Variants in PTPRR observed in about 807,000 individuals in gnomAD.
PTPRR encodes the protein protein tyrosine phosphatase receptor type R.
PTPRR carries 38 observed loss-of-function variants against 77.2 expected under a neutral mutation model. That is an observed-to-expected ratio of 0.49 (90% CI 0.38 to 0.65). The LOEUF (loss-of-function observed/expected upper bound fraction) is 0.65, where lower values mean the gene tolerates loss of function less well. PTPRR is among the 30% of genes least tolerant of loss of function. The pLI, the probability that PTPRR is intolerant of heterozygous loss-of-function variation, is 0.00. For synonymous variants in PTPRR, 299 were observed against 283.1 expected, an observed-to-expected ratio of 1.06 and a Z score of -0.57; for missense variants, 744 against 799.2, an observed-to-expected ratio of 0.93 and a Z score of 0.83.
intron 1 of PTPRR, among the ~76,000 whole-genome samples, chr12:70,909,875 G>GT (rs984441337): frequency 6.6e-6 from 1 of 151,888 alleles, no homozygotes; most frequent in African/African-American, 2.4e-5. Flanking sequence ...GTGGTTAGAG[G>GT]TTTTTTTTCT....
chr12:70,671,564 T>A (rs1398068258), intron 10 of PTPRR, among the ~76,000 whole-genome samples: 1 of 152,332 alleles, frequency 6.6e-6, no homozygotes, highest in African/African-American at 2.4e-5. Flanking sequence ...AACCACCCAT[T>A]GGTGTAGGAA....
chr12:70,655,832 A>T (rs1218574188), intron 13 of PTPRR, among the ~76,000 whole-genome samples: 1 of 152,188 alleles, frequency 6.6e-6, no homozygotes, highest in Admixed American at 6.5e-5. Flanking sequence ...AATGTACTTA[A>T]CCCTAATAAA....
At chr12:70,900,697 G>T (rs6581972) in intron 1 of PTPRR, among the ~76,000 whole-genome samples, 92,796 of 151,370 alleles carry the variant, frequency 0.61, 28,775 homozygotes, top group Non-Finnish European at 0.67. Flanking sequence ...TTAACCCAGT[G>T]AAAAGATGGG....
chr12:70,730,204 A>G (rs1889603197), intron 6 of PTPRR, among the ~76,000 whole-genome samples: 1 of 152,048 alleles, frequency 6.6e-6, no homozygotes, highest in Non-Finnish European at 1.5e-5. Flanking sequence ...CAGGTCATAT[A>G]TGGAAGAACA....
At chr12:70,728,370 T>C (rs1889524930) in intron 6 of PTPRR, among the ~76,000 whole-genome samples, 1 of 132,614 alleles carries the variant, frequency 7.5e-6, no homozygotes, top group Admixed American at 7.6e-5. Context: ...AAACAAAAAA[T>C]CCAAAATCTG....
intron 2 of PTPRR, among the ~76,000 whole-genome samples, chr12:70,838,431 C>T (rs547796423): frequency 6.6e-6 from 1 of 152,256 alleles, no homozygotes; most frequent in Admixed American, 6.5e-5. Context: ...TCATTCTTTC[C>T]TAATGCATCT....
At chr12:70,909,253 C>T (rs186685192) in intron 1 of PTPRR, among the ~76,000 whole-genome samples, 7 of 152,222 alleles carry the variant, frequency 4.6e-5, no homozygotes, top group Admixed American at 6.5e-5. Flanking sequence ...ACACCTGATT[C>T]CCTAATTGTA....
intron 2 of PTPRR, among the ~76,000 whole-genome samples, chr12:70,769,463 G>A (rs1215292353): frequency 1.3e-5 from 2 of 152,078 alleles, no homozygotes; most frequent in Non-Finnish European, 2.9e-5. Flanking sequence ...GGGACGTGAA[G>A]GACTTCTTCA....
At chr12:70,838,615 T>C (rs1592786255) in intron 2 of PTPRR, among the ~76,000 whole-genome samples, 1 of 152,024 alleles carries the variant, frequency 6.6e-6, no homozygotes, top group Non-Finnish European at 1.5e-5. Context: ...GGCATATAAC[T>C]GGAAACAAAA....
chr12:70,911,990 T>C (rs529962993), intron 1 of PTPRR, among the ~76,000 whole-genome samples: 200 of 152,326 alleles, frequency 1.3e-3, no homozygotes, highest in Non-Finnish European at 1.9e-3. Context: ...AAAAGTTATC[T>C]AGAAACATGA....
Position 70,754,202 on chromosome 12 carries a change from T to C in PTPRR, c.727A>G (p.Thr243Ala). ...AGAAGCAAACTTACCATCAAACACGTTACTATAATAACAAAGATGCTGAGA... is the reference window on the plus strand; with the variant it reads ...AGAAGCAAACTTACCATCAAACACGCTACTATAATAACAAAGATGCTGAGA... ...IFLSIFVIIV[T>A]CLMILYRLKE... Residue 243 changes from threonine to alanine, a missense_variant, in exon 5 of 14, where the codon ACG becomes GCG. Transcript: ENST00000283228. The C allele has an allele frequency of 6.2e-7, 1 of 1,612,896 alleles. No homozygotes were observed. The highest frequency in any genetic ancestry group is 1.1e-5 in the South Asian group (1 of 90,984).
intron 12 of PTPRR, among the ~76,000 whole-genome samples, chr12:70,659,202 C>T (rs879372368): frequency 2.0e-5 from 3 of 152,010 alleles, no homozygotes; most frequent in Non-Finnish European, 4.4e-5. Context: ...CGCACCTGGC[C>T]CATTGACAAG....
chr12:70,705,014 G>C (rs1218781829), intron 6 of PTPRR, among the ~76,000 whole-genome samples: 1 of 151,932 alleles, frequency 6.6e-6, no homozygotes, highest in Non-Finnish European at 1.5e-5. Flanking sequence ...ATAAATAAGA[G>C]GGAGGAAATT....
At chr12:70,821,352 G>A (rs1048439690) in intron 2 of PTPRR, among the ~76,000 whole-genome samples, 2 of 150,650 alleles carry the variant, frequency 1.3e-5, no homozygotes, top group Non-Finnish European at 3.0e-5. Context: ...AGCCTCCTGA[G>A]TAGCTGGGAT....
At chr12:70,797,592 C>G (rs1891538529) in intron 2 of PTPRR, among the ~76,000 whole-genome samples, 1 of 152,138 alleles carries the variant, frequency 6.6e-6, no homozygotes, top group Non-Finnish European at 1.5e-5. Flanking sequence ...GACATTATCT[C>G]AACAATGGAA....
chr12:70,775,251 C>A (rs1246682880), intron 2 of PTPRR, among the ~76,000 whole-genome samples: 1 of 151,984 alleles, frequency 6.6e-6, no homozygotes, highest in Non-Finnish European at 1.5e-5. Context: ...TTAAATATAC[C>A]AGGCCTCTGT....
At chr12:70,663,534 T>G (rs1396127019) in intron 10 of PTPRR, among the ~76,000 whole-genome samples, 1 of 152,216 alleles carries the variant, frequency 6.6e-6, no homozygotes. Flanking sequence ...AGTGATTAGA[T>G]CTTCATGCAT....
At chr12:70,841,670 T>A (rs1418977511) in intron 2 of PTPRR, among the ~76,000 whole-genome samples, 1 of 152,184 alleles carries the variant, frequency 6.6e-6, no homozygotes, top group Non-Finnish European at 1.5e-5. Flanking sequence ...AATAATACTT[T>A]TAAAAATATT....
intron 10 of PTPRR, among the ~76,000 whole-genome samples, chr12:70,675,269 T>G (rs914252188): frequency 6.6e-6 from 1 of 152,082 alleles, no homozygotes; most frequent in Non-Finnish European, 1.5e-5. Context: ...TGATATTTAA[T>G]TTGCAAGTTA....
Sources: gnomAD v4.1 joint callset for allele counts (sites outside exome capture counted in the v4.1 genomes callset) on GRCh38, gnomAD v4.1.1 for gene constraint, MANE v1.5 for transcripts, NCBI Gene and HGNC (gene_info 2026-07-23, HGNC 2026-07-21) for gene names.